HERC2: variants seen among roughly 807,000 people sequenced by gnomAD.
HERC2 encodes the protein HECT and RLD domain containing E3 ubiquitin protein ligase 2, also known as E3 ubiquitin-protein ligase HERC2.
Under a neutral mutation model 537.7 loss-of-function variants are expected in HERC2, and 102 were observed. The observed-to-expected ratio is 0.19, with a 90% CI of 0.16 to 0.22. The LOEUF is 0.22. Among genes scored for constraint, HERC2 ranks in the 10% least tolerant of loss-of-function variants. The pLI, the probability that HERC2 is intolerant of heterozygous loss-of-function variation, is 1.00. For missense variants in HERC2, 4,236 were observed against 6,198.2 expected (o/e 0.68, Z 10.63); for synonymous variants, 2,224 against 2,466.2 (o/e 0.90, Z 2.91).
intron 19 of HERC2, 32 bp from the exon 20 acceptor site, chr15:28,254,550 T>C (rs1388493632): frequency 6.8e-7 from 1 of 1,471,778 alleles, no homozygotes; most frequent in Non-Finnish European, 9.3e-7. Context: ...TGTTTACAAG[T>C]GATCTCATTA....
chr15:28,193,246 A>AT (rs1897019340), intron 52 of HERC2, among the ~76,000 whole-genome samples: 1 of 152,228 alleles, frequency 6.6e-6, no homozygotes, highest in Admixed American at 6.5e-5. Context: ...CTTTAATATA[A>AT]TAACTATGCT....
intron 35 of HERC2, among the ~76,000 whole-genome samples, chr15:28,224,611 C>T (rs1900915076): frequency 1.3e-5 from 2 of 152,262 alleles, no homozygotes; most frequent in South Asian, 4.1e-4. Context: ...ACTGGCCCTG[C>T]AGCATCTCAG....
At chr15:28,115,597 C>T (rs190709873) in intron 88 of HERC2, 56 bp from the exon 89 acceptor site, 1 of 1,314,914 alleles carries the variant, frequency 7.6e-7, no homozygotes, top group East Asian at 2.3e-5. Flanking sequence ...ACAAAACTTC[C>T]CGCTCACTCA....
At chr15:28,152,240 G>T (rs1223112555) in intron 70 of HERC2, among the ~76,000 whole-genome samples, 1 of 152,218 alleles carries the variant, frequency 6.6e-6, no homozygotes, top group Non-Finnish European at 1.5e-5. Context: ...ATCAAAGGCC[G>T]GGGCCTCAAC....
rs538246012 is a variant in HERC2 at position 28,320,813 on chromosome 15, C to T, written c.72+549G>A. Among the ~76,000 whole-genome samples, 77 of 152,110 alleles carry T rather than the reference C, an allele frequency of 5.1e-4. 1 individual carries two copies. The highest frequency in any genetic ancestry group is 9.4e-4 in the Non-Finnish European group (64 of 68,024). On this transcript the variant is annotated intron_variant, in intron 2 of 92. Coordinates refer to ENST00000261609, the MANE Select transcript of HERC2 (RefSeq NM_004667.6). ...TCTCATTAAATCAAAAAATTAGGAT[C>T]TAAGGCCAACATTGTTTCCTCACAT... is the stretch of plus-strand genomic sequence containing the variant.
intron 12 of HERC2, 92 bp from the exon 13 acceptor site, chr15:28,266,066 A>T: frequency 7.2e-7 from 1 of 1,390,632 alleles, no homozygotes. Context: ...CCAAATTTAG[A>T]CCAGCATAGC....
At position 28,130,281 on chromosome 15, in the gene HERC2, C is replaced by T. The variant is rs754435569; in HGVS notation, c.12684G>A (p.Arg4228=). ...VYTWGKGDYH[R]LGHGSDDHVR... The stretch of plus-strand genomic sequence containing the variant: ...CATGGTCATCTGATCCATGGCCCAA[C>T]CTGTGATAATCGCCTTTGCCCCTGC... The change falls in exon 83 of 93, where the codon AGG becomes AGA. Residue 4228 remains arginine, a synonymous_variant. Transcript: ENST00000261609. The T allele has an allele frequency of 5.0e-6, 8 of 1,614,166 alleles. No individual in the cohort carries two copies. Among genetic ancestry groups the T allele is most frequent in the Admixed American group, 3.3e-5 (2 of 60,022 alleles).
chr15:28,309,803 C>G (rs575884709), intron 2 of HERC2, among the ~76,000 whole-genome samples: 24 of 152,198 alleles, frequency 1.6e-4, no homozygotes, highest in Admixed American at 1.6e-3. Flanking sequence ...TACAAGCTGC[C>G]AAATTTGTGT....
chr15:28,314,967 G>C (rs963194304), intron 2 of HERC2, among the ~76,000 whole-genome samples: 1 of 152,170 alleles, frequency 6.6e-6, no homozygotes, highest in Non-Finnish European at 1.5e-5. Flanking sequence ...CAGGACAATA[G>C]CCAAGGTGAG....
intron 20 of HERC2, among the ~76,000 whole-genome samples, chr15:28,253,860 G>A (rs1334732869): frequency 6.6e-6 from 1 of 152,158 alleles, no homozygotes; most frequent in Non-Finnish European, 1.5e-5. Flanking sequence ...TACTTGGGAG[G>A]CTGAGGCAGG....
At chr15:28,190,399 T>C (rs988404938) in intron 55 of HERC2, 2 of 152,486 alleles carry the variant, frequency 1.3e-5, no homozygotes, top group African/African-American at 4.8e-5. Context: ...TGGAAAGGTT[T>C]ACTAAAAATT....
chr15:28,293,057 T>C (rs1313999227), intron 3 of HERC2, 35 bp from the exon 4 acceptor site: 1 of 1,590,470 alleles, frequency 6.3e-7, no homozygotes, highest in Non-Finnish European at 8.5e-7. Flanking sequence ...CTGTCACCGC[T>C]TTTCAGAATG....
chr15:28,249,701 C>T (rs1047823434), intron 20 of HERC2, among the ~76,000 whole-genome samples: 1 of 152,112 alleles, frequency 6.6e-6, no homozygotes, highest in Non-Finnish European at 1.5e-5. Flanking sequence ...GGCTGGAGTG[C>T]AGTGACATGA....
At chr15:28,195,031 G>C (rs1202032178) in intron 52 of HERC2, among the ~76,000 whole-genome samples, 1 of 151,450 alleles carries the variant, frequency 6.6e-6, no homozygotes, top group East Asian at 1.9e-4. Flanking sequence ...ACTCCAGCCT[G>C]GGCAACAGAG....
chr15:28,183,155 C>A (rs779325598), intron 56 of HERC2, among the ~76,000 whole-genome samples: 5 of 152,168 alleles, frequency 3.3e-5, no homozygotes, highest in Admixed American at 6.5e-5. Flanking sequence ...AGGGCTTGCT[C>A]CTTCCACCTT....
chr15:28,176,577 A>G lies in HERC2; in HGVS notation c.9537T>C (p.Asp3179=), dbSNP rs751974950. The G allele has an allele frequency of 1.5e-5, 25 of 1,614,064 alleles. No homozygotes were observed. The highest frequency in any genetic ancestry group is 2.1e-5 in the Non-Finnish European group (25 of 1,180,038). Residue 3179 remains aspartate, a synonymous_variant, in exon 63 of 93, where the codon GAT becomes GAC. Transcript: ENST00000261609. This position sits in a 1 kb window ranked among gnomAD's most constrained non-coding sequence, Gnocchi z 5.0. ...TDEGLVFSWG[D]GDFGKLGRGG... ...CCCGGCCCAGTTTTCCAAAGTCACC[A>G]TCACCCCAGGAAAATACCAAACCTA...
intron 78 of HERC2, among the ~76,000 whole-genome samples, chr15:28,141,033 T>G (rs1377602778): frequency 1.3e-5 from 2 of 150,326 alleles, no homozygotes; most frequent in African/African-American, 4.9e-5. Context: ...AGGTCAGGAG[T>G]TCGAGACCAG....
rs1468369632 is a variant in HERC2, at chr15:28,273,006, T to C, written c.801-2A>G. 12 of 1,610,714 alleles carry C rather than the reference T, an allele frequency of 7.5e-6. No individual in the cohort carries two copies. The highest frequency in any genetic ancestry group is 1.3e-5 in the African/African-American group (1 of 74,834). ...GTGGCTGGCGTTCCGTGAACATCCCTGAAATGAAAGCAGTGGATGCAGGAA... is the reference window on the plus strand; with the variant it reads ...GTGGCTGGCGTTCCGTGAACATCCCCGAAATGAAAGCAGTGGATGCAGGAA... On this transcript the variant is annotated splice_acceptor_variant, in intron 7 of 92. Coordinates refer to ENST00000261609, the MANE Select transcript of HERC2 (RefSeq NM_004667.6). LOFTEE classifies it high-confidence loss of function.
chr15:28,147,153 A>C, intron 70 of HERC2, among the ~76,000 whole-genome samples: 1 of 151,374 alleles, frequency 6.6e-6, no homozygotes, highest in Admixed American at 6.6e-5. Context: ...TGAGGGAAAA[A>C]TGGTTGAATT....
Sources: gnomAD v4.1 joint callset for allele counts (sites outside exome capture counted in the v4.1 genomes callset) on GRCh38, gnomAD v4.1.1 for gene constraint, Gnocchi (gnomAD v3.1) non-coding constraint, MANE v1.5 for transcripts, NCBI Gene and HGNC (gene_info 2026-07-23, HGNC 2026-07-21) for gene names.